MASP1: variants seen among roughly 807,000 people sequenced by gnomAD.
MASP1 encodes mannan-binding lectin serine protease 1.
A neutral mutation model predicts 77.1 loss-of-function variants in MASP1; 59 were observed. The ratio of observed to expected loss-of-function variants is 0.77; its 90% CI spans 0.62 to 0.95. MASP1 has a LOEUF of 0.95. Ranked by LOEUF, MASP1 falls within the 40% of genes least tolerant of loss-of-function variation. MASP1 has a pLI of 0.00. For synonymous variants in MASP1, 362 were observed against 354.5 expected (o/e 1.02, Z -0.24); for missense variants, 885 against 912.9 (o/e 0.97, Z 0.39).
At chr3:187,252,876 G>A (rs1043375724) in intron 6 of MASP1, among the ~76,000 whole-genome samples, 10 of 152,212 alleles carry the variant, frequency 6.6e-5, no homozygotes, top group African/African-American at 1.9e-4. Flanking sequence ...TGTGTGAGGG[G>A]TAGAGTTCAG....
intron 10 of MASP1, among the ~76,000 whole-genome samples, chr3:187,237,017 A>G (rs758340672): frequency 8.1e-4 from 123 of 152,328 alleles, no homozygotes; most frequent in Non-Finnish European, 1.3e-3. Flanking sequence ...AGAGAGATGG[A>G]AGGAACCTAA....
At chr3:187,219,907 G>A in exon 16 of MASP1, 1 of 713,540 alleles carries the variant, frequency 1.4e-6, no homozygotes. Context: ...TCTCTTTAAA[G>A]AGAGTGAAAA....
In MASP1 at chr3:187,251,894, A is replaced by C. The variant is rs1344640085; in HGVS notation, c.893-142T>G. The C allele has an allele frequency of 5.5e-6, 4 of 725,354 alleles. No individual in the cohort carries two copies. The East Asian group carries it at 1.1e-4, about 19-fold the overall frequency. 44.9% of individuals were successfully genotyped at this position (725,354 alleles called of 1,614,324 possible). ...GAGGCATGGATCTTCCAAGCCCTGC[A>C]AGAGACTAATTCTGGAACCGTGAAT... On this transcript the variant is annotated intron_variant, in intron 6 of 10. Transcript: ENST00000296280.
intron 8 of MASP1, among the ~76,000 whole-genome samples, chr3:187,247,673 G>A (rs1277736617): frequency 6.6e-6 from 1 of 152,162 alleles, no homozygotes; most frequent in Non-Finnish European, 1.5e-5. Flanking sequence ...GCCTGCATCT[G>A]GTCCAAACCC....
At chr3:187,262,809 C>A (rs1715712076) in intron 2 of MASP1, 89 bp from the exon 3 acceptor site, 2 of 1,208,908 alleles carry the variant, frequency 1.7e-6, no homozygotes, top group African/African-American at 3.0e-5. Context: ...GAAGGGGCCA[C>A]CCAAGAGTAG....
intron 13 of MASP1, chr3:187,223,235 G>A (rs748340404): frequency 6.4e-7 from 1 of 1,560,826 alleles, no homozygotes; most frequent in Non-Finnish European, 8.8e-7. Flanking sequence ...GAAGCTATCT[G>A]TGGGGTGTTT....
At chr3:187,243,253 A>G (rs1235416106) in intron 9 of MASP1, 1 of 560,362 alleles carries the variant, frequency 1.8e-6, no homozygotes, top group Non-Finnish European at 3.2e-6. Flanking sequence ...AGTTAAAAAC[A>G]AAAAAGCCTG....
chr3:187,290,568 T>C (rs1272260925), intron 1 of MASP1, among the ~76,000 whole-genome samples: 1 of 152,206 alleles, frequency 6.6e-6, no homozygotes, highest in African/African-American at 2.4e-5. Flanking sequence ...TTGCACTCAC[T>C]TTTTAAGGAC....
chr3:187,269,768 T>G (rs148244915), intron 2 of MASP1, among the ~76,000 whole-genome samples: 53 of 152,362 alleles, frequency 3.5e-4, no homozygotes, highest in African/African-American at 1.2e-3. Flanking sequence ...GTTATCTTAT[T>G]CTTCTCTCAC....
chr3:187,249,503 T>C (rs1013903636), intron 8 of MASP1, among the ~76,000 whole-genome samples: 2 of 152,170 alleles, frequency 1.3e-5, no homozygotes, highest in Non-Finnish European at 2.9e-5. Context: ...AAGTCTTTCA[T>C]TGAAATCACC....
intron 1 of MASP1, among the ~76,000 whole-genome samples, chr3:187,290,534 A>G (rs947263612): frequency 7.9e-5 from 12 of 152,316 alleles, no homozygotes; most frequent in African/African-American, 2.4e-4. Context: ...TAAAATTACT[A>G]TGGCTTTAAG....
At chr3:187,253,441 A>AAGG in intron 5 of MASP1, 126 bp from the exon 6 acceptor site, 1 of 938,000 alleles carries the variant, frequency 1.1e-6, no homozygotes. Context: ...AACCCTTGGT[A>AAGG]TTCACTTAGG....
chr3:187,236,218 G>A lies in MASP1; in HGVS notation c.1653C>T (p.Asn551=), dbSNP rs985903784. 8 of 1,614,146 alleles carry A rather than the reference G, an allele frequency of 5.0e-6. No homozygotes were observed. Among genetic ancestry groups the A allele is most frequent in the South Asian group, 3.3e-5 (3 of 91,092 alleles). Residue 551 remains asparagine, a synonymous_variant, in exon 11 of 11, where the codon AAC becomes AAT. Coordinates refer to ENST00000296280, the MANE Select transcript of MASP1 (RefSeq NM_139125.4). ...GCAGCTGCACCAGAGCTATATCGTG[G>A]TTGTAGTTTTGGATGTTGAAGTCTG... The part of the protein sequence containing the change: ...LHPDFNIQNY[N]HDIALVQLQE...
At chr3:187,221,785 A>G (rs3914010) in intron 14 of MASP1, among the ~76,000 whole-genome samples, 20,938 of 152,228 alleles carry the variant, frequency 0.14, 2,023 homozygotes, top group East Asian at 0.47. Flanking sequence ...TTTCTATCTT[A>G]CATTGCTTGG....
chr3:187,248,865 T>G (rs73886126), intron 8 of MASP1, among the ~76,000 whole-genome samples: 6,186 of 152,250 alleles, frequency 0.041, 450 homozygotes, highest in African/African-American at 0.14. Flanking sequence ...AAAAGAACAA[T>G]CGTATTTTAC....
intron 14 of MASP1, among the ~76,000 whole-genome samples, chr3:187,222,602 A>G (rs1281175901): frequency 1.3e-5 from 2 of 152,170 alleles, no homozygotes; most frequent in African/African-American, 4.8e-5. Flanking sequence ...TAGAGAGGCA[A>G]AATAACTTGC....
At chr3:187,220,717 C>T (rs1309688135) in intron 15 of MASP1, among the ~76,000 whole-genome samples, 3 of 151,996 alleles carry the variant, frequency 2.0e-5, no homozygotes, top group Non-Finnish European at 2.9e-5. Context: ...AGACTGGTCT[C>T]GAACTCCCGA....
At chr3:187,271,859 C>T (rs1716554266) in intron 2 of MASP1, among the ~76,000 whole-genome samples, 1 of 152,174 alleles carries the variant, frequency 6.6e-6, no homozygotes, top group Non-Finnish European at 1.5e-5. Flanking sequence ...CAGAACATGG[C>T]GTGGGAACTC....
chr3:187,221,196 C>A (rs1712040125), intron 14 of MASP1: 2 of 1,226,412 alleles, frequency 1.6e-6, no homozygotes, highest in South Asian at 2.5e-5. Flanking sequence ...TATTCTGACA[C>A]CCCTGAAGAC....
Sources: allele counts gnomAD v4.1 joint callset (sites outside exome capture counted in the v4.1 genomes callset), GRCh38; gene constraint gnomAD v4.1.1; transcripts MANE v1.5; gene names NCBI Gene and HGNC (gene_info 2026-07-23, HGNC 2026-07-21).